TXLNB: variants seen among roughly 807,000 people sequenced by gnomAD.
TXLNB encodes beta-taxilin.
A neutral mutation model predicts 57.4 loss-of-function variants in TXLNB; 37 were observed. The observed-to-expected ratio is 0.64, with a 90% CI of 0.50 to 0.85. The LOEUF (loss-of-function observed/expected upper bound fraction) is 0.85. TXLNB is among the 40% of genes least tolerant of loss of function. TXLNB has a pLI of 0.00. For missense variants in TXLNB, 848 were observed against 825.6 expected, an observed-to-expected ratio of 1.03 and a Z score of -0.33; for synonymous variants, 302 against 309.6, an observed-to-expected ratio of 0.98 and a Z score of 0.26.
the TXLNB span, among the ~76,000 whole-genome samples, chr6:139,234,938 T>G: frequency 6.6e-6 from 1 of 152,186 alleles, no homozygotes; most frequent in Admixed American, 6.5e-5. Flanking sequence ...AGTGGAGCTG[T>G]CCAAGGCTAC....
Position 139,240,178 on chromosome 6 carries a change from CTT to C in TXLNB, c.*2346_*2347del, listed in dbSNP as rs1402427406. The C allele has an allele frequency of 6.6e-6, 1 of 152,520 alleles. No homozygotes were observed. The highest frequency in any genetic ancestry group is 1.5e-5 in the Non-Finnish European group (1 of 68,016). The allele number at this position is 152,520 out of a possible 1,614,324, so 9.4% of individuals were successfully genotyped here. A position where few individuals can be genotyped will look rare whatever the true frequency, so the allele number is the denominator to read the frequency against. Reference sequence around the variant, plus strand: ...CATTTCTAAAAAATAGTTACATACACTTGATAAAGAACAGACATTCCTTCTGA... The same window carrying C: ...CATTTCTAAAAAATAGTTACATACACGATAAAGAACAGACATTCCTTCTGA... On this transcript the variant is annotated 3_prime_UTR_variant, in exon 10 of 10. Transcript: ENST00000358430.
chr6:139,302,802 A>T, the TXLNB span, among the ~76,000 whole-genome samples: 1 of 151,954 alleles, frequency 6.6e-6, no homozygotes, highest in Non-Finnish European at 1.5e-5. Context: ...AGAAAAAAGA[A>T]AAAAAAACCT....
intron 3 of TXLNB, among the ~76,000 whole-genome samples, chr6:139,275,939 T>A (rs969175534): frequency 6.6e-6 from 1 of 152,224 alleles, no homozygotes; most frequent in Admixed American, 6.5e-5. Flanking sequence ...TTTTGCTATA[T>A]GTAGTCTCTT....
intron 8 of TXLNB, among the ~76,000 whole-genome samples, chr6:139,247,248 T>C (rs1249850708): frequency 2.6e-5 from 4 of 152,048 alleles, no homozygotes; most frequent in African/African-American, 9.7e-5. Flanking sequence ...TTCAAGCGAT[T>C]CTCCTGCCTC....
chr6:139,263,306 A>G (rs1237316219), intron 4 of TXLNB, among the ~76,000 whole-genome samples: 1 of 152,214 alleles, frequency 6.6e-6, no homozygotes, highest in Non-Finnish European at 1.5e-5. Flanking sequence ...TTTCATCAAA[A>G]AGCTTTAAAA....
chr6:139,252,809 G>A (rs756222720), intron 7 of TXLNB, among the ~76,000 whole-genome samples: 7 of 152,222 alleles, frequency 4.6e-5, no homozygotes, highest in South Asian at 2.1e-4. Context: ...GGCTAACACG[G>A]TGAAACCCTG....
At chr6:139,234,391 A>C in the TXLNB span, 1 of 152,240 alleles carries the variant, frequency 6.6e-6, no homozygotes, top group Non-Finnish European at 1.5e-5. Flanking sequence ...GCCTAGGAGG[A>C]AAAAATGGTT....
Position 139,242,763 on chromosome 6 carries a change from T to G in TXLNB, c.1818A>C (p.Pro606=), listed in dbSNP as rs1775973104. The G allele has an allele frequency of 1.2e-6, 2 of 1,614,156 alleles. No individual in the cohort carries two copies. The highest frequency in any genetic ancestry group is 1.7e-6 in the Non-Finnish European group (2 of 1,179,990). The change falls in exon 10 of 10, where the codon CCA becomes CCC. Residue 606 remains proline, a synonymous_variant. Transcript: ENST00000358430. ...GGGCCTGACCGGAAGCTTCTGCCTC[T>G]GGCTTCCAGGACGCCTGATCAGCCT... The part of the protein sequence containing the change: ...GAQADQASWK[P]EAEASGQAPQ...
chr6:139,247,736 T>G, intron 8 of TXLNB, 81 bp downstream of exon 8: 2 of 969,640 alleles, frequency 2.1e-6, no homozygotes, highest in Non-Finnish European at 3.2e-6. Context: ...AATATCTTAG[T>G]GAGAGAAAAA....
intron 8 of TXLNB, among the ~76,000 whole-genome samples, chr6:139,246,620 A>T (rs970519322): frequency 3.9e-5 from 6 of 151,932 alleles, no homozygotes; most frequent in South Asian, 2.1e-4. Flanking sequence ...TGCATAGATT[A>T]AAAAAAATTA....
chr6:139,288,910 G>T lies in TXLNB; in HGVS notation c.-11C>A. On this transcript the variant is annotated 5_prime_UTR_variant, in exon 2 of 10. Coordinates refer to ENST00000358430, the MANE Select transcript of TXLNB (RefSeq NM_153235.4). ...GTGATTAGCCTCCATCTTGGGAGTA[G>T]TATCTAGTGGTAAGCACAGTTAGGC... The T allele has an allele frequency of 6.2e-7, 1 of 1,606,632 alleles. No homozygotes were observed.
chr6:139,182,465 T>C, the TXLNB span, among the ~76,000 whole-genome samples: 6 of 152,212 alleles, frequency 3.9e-5, no homozygotes, highest in Non-Finnish European at 8.8e-5. Flanking sequence ...TTACTTCTTA[T>C]TGGTGGTTTC....
the TXLNB span, chr6:139,166,389 G>C: frequency 6.2e-7 from 1 of 1,614,226 alleles, no homozygotes; most frequent in Non-Finnish European, 8.5e-7. Flanking sequence ...TGCCCCTGCA[G>C]CACCTGGATG....
the TXLNB span, chr6:139,165,891 G>A: frequency 1.8e-5 from 3 of 164,984 alleles, no homozygotes; most frequent in Non-Finnish European, 3.9e-5. Flanking sequence ...AAGAATTCTG[G>A]TTTTTTCCTT....
At chr6:139,266,226 G>A (rs1776611442) in intron 4 of TXLNB, among the ~76,000 whole-genome samples, 1 of 152,102 alleles carries the variant, frequency 6.6e-6, no homozygotes, top group Non-Finnish European at 1.5e-5. Flanking sequence ...AGAAAATATG[G>A]CCTATTCTCA....
At chr6:139,265,998 C>T (rs539349217) in intron 4 of TXLNB, among the ~76,000 whole-genome samples, 2 of 152,274 alleles carry the variant, frequency 1.3e-5, no homozygotes, top group South Asian at 4.1e-4. Context: ...GGCCTTGAGC[C>T]ACACATGTGC....
At chr6:139,223,936 C>G in the TXLNB span, among the ~76,000 whole-genome samples, 2 of 150,248 alleles carry the variant, frequency 1.3e-5, no homozygotes, top group African/African-American at 4.9e-5. Context: ...CCCAGCCATC[C>G]CATTACTGGG....
At chr6:139,167,435 T>A in the TXLNB span, 1 of 899,214 alleles carries the variant, frequency 1.1e-6, no homozygotes, top group Non-Finnish European at 1.7e-6. Flanking sequence ...TTTTTTGTTC[T>A]AGTCAGGTGC....
the TXLNB span, among the ~76,000 whole-genome samples, chr6:139,196,364 G>GTTTTTTTTTTTTTTTTTTTTTTT: frequency 1.8e-4 from 16 of 86,770 alleles, 7 homozygotes; most frequent in African/African-American, 3.7e-4. Context: ...CTCCAGATCT[G>GTTTTTTTTTTTTTTTTTTTTTTT]GTTTTTTTTT....
Sources: allele counts gnomAD v4.1 joint callset (sites outside exome capture counted in the v4.1 genomes callset), GRCh38; gene constraint gnomAD v4.1.1; transcripts MANE v1.5; gene names NCBI Gene and HGNC (gene_info 2026-07-23, HGNC 2026-07-21).